Variants in SMAP2 observed in about 807,000 individuals in gnomAD.
The protein encoded by SMAP2 is small ArfGAP2.
In SMAP2, 25 loss-of-function variants were observed where a neutral mutation model predicts 56.4. The ratio of observed to expected loss-of-function variants is 0.44; its 90% CI spans 0.32 to 0.62. The LOEUF is 0.62. Among genes scored for constraint, SMAP2 ranks in the 20% least tolerant of loss-of-function variants. The pLI is 0.04. For synonymous variants in SMAP2, 157 were observed against 181.7 expected, an observed-to-expected ratio of 0.86 and a Z score of 1.09; for missense variants, 388 against 545.6, an observed-to-expected ratio of 0.71 and a Z score of 2.88.
upstream of SMAP2, among the ~76,000 whole-genome samples, chr1:40,372,623 A>G (rs1211284137): frequency 6.6e-6 from 1 of 152,322 alleles, no homozygotes; most frequent in Non-Finnish European, 1.5e-5. Flanking sequence ...TAATAAAGTA[A>G]TAGAAATGTT....
At chr1:40,367,893 A>C (rs1480484782) in intron 2 of SMAP2, among the ~76,000 whole-genome samples, 1 of 123,244 alleles carries the variant, frequency 8.1e-6, no homozygotes, top group Non-Finnish European at 1.7e-5. Flanking sequence ...AAAACCCTTC[A>C]AAAAATCAGT....
intron 1 of SMAP2, among the ~76,000 whole-genome samples, chr1:40,346,849 G>C (rs910396310): frequency 6.6e-6 from 1 of 151,540 alleles, no homozygotes; most frequent in African/African-American, 2.4e-5. Context: ...TTAAAATCTT[G>C]TTTCATTTAT....
At chr1:40,354,027 T>G (rs1644421801) in intron 1 of SMAP2, among the ~76,000 whole-genome samples, 1 of 152,162 alleles carries the variant, frequency 6.6e-6, no homozygotes, top group Admixed American at 6.5e-5. Flanking sequence ...AGCCTGGGTG[T>G]TGATGGCCTT....
chr1:40,420,337 A>T (rs1347742382), intron 9 of SMAP2, among the ~76,000 whole-genome samples: 3 of 152,234 alleles, frequency 2.0e-5, no homozygotes, highest in Non-Finnish European at 4.4e-5. Context: ...AGAGGGACGC[A>T]TGAGCCAACT....
In SMAP2 at chr1:40,374,344, T is replaced by C; in HGVS notation, c.103+121T>C. On this transcript the variant is annotated intron_variant, in intron 1 of 9. Transcript: ENST00000372718. This position sits in a 1 kb window ranked among gnomAD's most constrained non-coding sequence, Gnocchi z 5.9. The stretch of plus-strand genomic sequence containing the variant: ...AACTCGGCTTATAAGTGGTAACGCG[T>C]GCTGCGCTTGCAGTGAGCCTACTGG... 1.2e-6 allele frequency: 1 copy of C among 829,050 alleles called. No individual in the cohort carries two copies. 51.4% of individuals were successfully genotyped at this position (829,050 alleles called of 1,614,324 possible).
intron 1 of SMAP2, among the ~76,000 whole-genome samples, chr1:40,376,252 G>A (rs758464892): frequency 6.6e-6 from 1 of 152,070 alleles, no homozygotes; most frequent in African/African-American, 2.4e-5. Flanking sequence ...TGCCCAGCCC[G>A]AAATTTCCGT....
At chr1:40,360,543 T>C (rs1039179313) in intron 1 of SMAP2, among the ~76,000 whole-genome samples, 4 of 152,006 alleles carry the variant, frequency 2.6e-5, no homozygotes, top group African/African-American at 9.7e-5. Flanking sequence ...CCTCAGGTCA[T>C]CCACCTGCCT....
intron 4 of SMAP2, among the ~76,000 whole-genome samples, chr1:40,410,871 T>A (rs375160507): frequency 2.0e-5 from 3 of 152,334 alleles, no homozygotes; most frequent in South Asian, 2.1e-4. Context: ...GAAAATTCTC[T>A]TAGGAATAAT....
chr1:40,357,267 C>T (rs898160122), intron 1 of SMAP2, among the ~76,000 whole-genome samples: 4 of 152,058 alleles, frequency 2.6e-5, no homozygotes, highest in Admixed American at 6.6e-5. Context: ...CCAGCCTGGA[C>T]AACATGGTGA....
chr1:40,395,552 A>G (rs1644762654), intron 1 of SMAP2, among the ~76,000 whole-genome samples: 1 of 152,256 alleles, frequency 6.6e-6, no homozygotes, highest in Non-Finnish European at 1.5e-5. Flanking sequence ...AAAACAGGGC[A>G]GTAAGATTAA....
intron 9 of SMAP2, among the ~76,000 whole-genome samples, chr1:40,421,512 C>A (rs932055475): frequency 6.8e-6 from 1 of 146,730 alleles, no homozygotes; most frequent in Non-Finnish European, 1.5e-5. Flanking sequence ...TCCTTTTTTT[C>A]CCCCTTGTGC....
chr1:40,397,681 A>G (rs920603395), intron 1 of SMAP2, among the ~76,000 whole-genome samples: 5 of 151,050 alleles, frequency 3.3e-5, no homozygotes, highest in Non-Finnish European at 7.3e-5. Flanking sequence ...GAACATGGTC[A>G]TTGCCTTCCA....
At chr1:40,376,242 T>G (rs209576) in intron 1 of SMAP2, among the ~76,000 whole-genome samples, 46,624 of 152,086 alleles carry the variant, frequency 0.31, 7,729 homozygotes, top group Non-Finnish European at 0.38. Flanking sequence ...TGAGCCACCA[T>G]GCCCAGCCCG....
intron 4 of SMAP2, 117 bp downstream of exon 4, chr1:40,409,952 G>A (rs1644918927): frequency 4.3e-6 from 3 of 693,860 alleles, no homozygotes; most frequent in Non-Finnish European, 5.0e-6. Flanking sequence ...TTTAAAAAAT[G>A]CAAAAGTAGA....
At chr1:40,401,979 T>C (rs1329992618) in intron 1 of SMAP2, among the ~76,000 whole-genome samples, 1 of 152,230 alleles carries the variant, frequency 6.6e-6, no homozygotes, top group Non-Finnish European at 1.5e-5. Flanking sequence ...CCACGCCTGC[T>C]CTTAGGCTCC....
intron 9 of SMAP2, among the ~76,000 whole-genome samples, chr1:40,417,300 G>C (rs12025840): frequency 6.8e-6 from 1 of 147,164 alleles, no homozygotes; most frequent in Non-Finnish European, 1.5e-5. Flanking sequence ...GGCTCCTGTA[G>C]AATAAGCCCA....
At chr1:40,415,836 T>G (rs1208441844) in intron 7 of SMAP2, among the ~76,000 whole-genome samples, 1 of 152,234 alleles carries the variant, frequency 6.6e-6, no homozygotes, top group Non-Finnish European at 1.5e-5. Context: ...TTTACAGATG[T>G]GGAGACATTA....
At chr1:40,421,383 C>G (rs1032156671) in intron 9 of SMAP2, among the ~76,000 whole-genome samples, 3 of 151,912 alleles carry the variant, frequency 2.0e-5, no homozygotes, top group African/African-American at 7.3e-5. Flanking sequence ...CATCCTGCCC[C>G]AGGCCTTATT....
chr1:40,418,719 C>T lies in SMAP2; in HGVS notation c.1164+1623C>T, dbSNP rs899057404. On this transcript the variant is annotated intron_variant, in intron 9 of 9. Coordinates refer to ENST00000372718, the MANE Select transcript of SMAP2 (RefSeq NM_022733.3). ...CCCAGGTTGACATCAGACTTCCTAGCAGCAAAATACAAAAAGAATAACAAG... is the reference window on the plus strand; with the variant it reads ...CCCAGGTTGACATCAGACTTCCTAGTAGCAAAATACAAAAAGAATAACAAG... 9.2e-5 allele frequency among the ~76,000 whole-genome samples: 14 copies of T among 152,290 alleles called. 1 individual carries two copies. Among genetic ancestry groups the T allele is most frequent in the East Asian group, 5.8e-4 (3 of 5,192 alleles).
Sources: allele counts gnomAD v4.1 joint callset (sites outside exome capture counted in the v4.1 genomes callset), GRCh38; gene constraint gnomAD v4.1.1; non-coding constraint Gnocchi (gnomAD v3.1); transcripts MANE v1.5; gene names NCBI Gene and HGNC (gene_info 2026-07-23, HGNC 2026-07-21).